Variants in GLRA2 observed in about 807,000 individuals in gnomAD.
GLRA2 encodes the protein glycine receptor alpha 2, also known as glycine receptor subunit alpha-2.
Under a neutral mutation model 31.6 loss-of-function variants are expected in GLRA2, and 11 were observed. The observed-to-expected ratio is 0.35, with a 90% CI of 0.22 to 0.58. The LOEUF is 0.58. Among genes scored for constraint, GLRA2 ranks in the 20% least tolerant of loss-of-function variants. GLRA2 has a pLI of 0.84. For missense variants in GLRA2, 212 were observed against 351.8 expected (o/e 0.60, Z 3.18); for synonymous variants, 132 against 134.0 (o/e 0.99, Z 0.10).
chrX:14,695,376 G>T (rs1041033150), intron 8 of GLRA2, among the ~76,000 whole-genome samples: 4 of 111,921 alleles, frequency 3.6e-5, no homozygotes, highest in Non-Finnish European at 7.5e-5. Flanking sequence ...GAATGCATTT[G>T]GCAAAGGAAA....
chrX:14,690,844 G>A lies in GLRA2; in HGVS notation c.1065G>A (p.Gln355=), dbSNP rs1235738175. Residue 355 remains glutamine (Q), a synonymous_variant, in exon 8 of 9, where the codon CAG becomes CAA. Coordinates refer to ENST00000218075, the MANE Select transcript of GLRA2 (RefSeq NM_002063.4). ...AGTTCCTGCGCCTCCGAAGAAGACA[G>A]AAGAGGCAGAATAAGGTATGATTGC... ...HKEFLRLRRR[Q]KRQNKEEDVT... 4 of 1,207,234 alleles carry A rather than the reference G, an allele frequency of 3.3e-6. No individual in the cohort carries two copies. Among genetic ancestry groups the A allele is most frequent in the Non-Finnish European group, 4.5e-6 (4 of 893,106 alleles).
intron 2 of GLRA2, among the ~76,000 whole-genome samples, chrX:14,568,993 G>T (rs1156518243): frequency 8.9e-6 from 1 of 112,176 alleles, no homozygotes; most frequent in African/African-American, 3.2e-5. Context: ...GGTGGCTCAT[G>T]CCTGTAATCC....
At chrX:14,676,271 G>C (rs2091145113) in intron 7 of GLRA2, among the ~76,000 whole-genome samples, 1 of 112,797 alleles carries the variant, frequency 8.9e-6, no homozygotes, top group Non-Finnish European at 1.9e-5. Context: ...TTGTTACATG[G>C]ATATATTGTG....
At chrX:14,551,582 C>T (rs770884338) in intron 2 of GLRA2, among the ~76,000 whole-genome samples, 114 of 111,482 alleles carry the variant, frequency 1.0e-3, no homozygotes, top group African/African-American at 3.6e-3. Context: ...CTCTGACTAA[C>T]GGCATTTTGT....
chrX:14,632,732 C>T (rs987558169), intron 7 of GLRA2, among the ~76,000 whole-genome samples: 1 of 111,396 alleles, frequency 9.0e-6, no homozygotes. Flanking sequence ...TACATGTCAA[C>T]GAACCATTTT....
the GLRA2 span, among the ~76,000 whole-genome samples, chrX:14,458,819 G>A: frequency 7.2e-5 from 8 of 111,658 alleles, no homozygotes; most frequent in Non-Finnish European, 1.1e-4. Context: ...CCATTCTGCA[G>A]GTTGCCTGTT....
chrX:14,469,378 A>G, the GLRA2 span, among the ~76,000 whole-genome samples: 2 of 110,737 alleles, frequency 1.8e-5, no homozygotes, highest in African/African-American at 6.6e-5. Flanking sequence ...CATGCTGCTA[A>G]TAAAGACACA....
At chrX:14,535,631 T>C (rs973577835) in intron 2 of GLRA2, among the ~76,000 whole-genome samples, 4 of 112,370 alleles carry the variant, frequency 3.6e-5, no homozygotes, top group African/African-American at 1.3e-4. Context: ...ATGAAAATCC[T>C]CAATTCAGAT....
chrX:14,689,113 C>T (rs1351646686), intron 7 of GLRA2, among the ~76,000 whole-genome samples: 1 of 111,584 alleles, frequency 9.0e-6, no homozygotes, highest in Non-Finnish European at 1.9e-5. Flanking sequence ...GCAGCATTTC[C>T]TAATTGGGGC....
At chrX:14,616,400 G>A (rs755503410) in intron 7 of GLRA2, among the ~76,000 whole-genome samples, 1 of 111,113 alleles carries the variant, frequency 9.0e-6, no homozygotes, top group South Asian at 3.8e-4. Context: ...ATTGTCTTTC[G>A]CCATTATTAA....
Position 14,609,005 on chromosome X carries a change from A to G in GLRA2, c.730A>G (p.Ile244Val). 9.0e-7 allele frequency: 1 copy of G among 1,109,973 alleles called. No homozygotes were observed. The highest frequency in any genetic ancestry group is 1.2e-6 in the Non-Finnish European group (1 of 804,650). The allele number at this position is 1,109,973 out of a possible 1,213,427, so 91.5% of individuals were successfully genotyped here. Residue 244 changes from isoleucine to valine, a missense_variant, in exon 7 of 9, where the codon ATT (isoleucine) becomes GTT (valine). Ile to Val is a conservative substitution (Grantham distance 29). Coordinates refer to ENST00000218075, the MANE Select transcript of GLRA2 (RefSeq NM_002063.4). Reference sequence around the variant, plus strand: ...CCTCCTTCTAGGAAAGTTTACCTGCATTGAGGTCAAGTTTCATCTGGAACG... The same window carrying G: ...CCTCCTTCTAGGAAAGTTTACCTGCGTTGAGGTCAAGTTTCATCTGGAACG... ...KHYNTGKFTC[I>V]EVKFHLERQM...
At chrX:14,629,390 T>G (rs1478939878) in intron 7 of GLRA2, among the ~76,000 whole-genome samples, 2 of 111,727 alleles carry the variant, frequency 1.8e-5, no homozygotes, top group African/African-American at 6.5e-5. Context: ...AGGGCTATTG[T>G]TGGAGCACAG....
chrX:14,697,827 C>T (rs183885042), intron 8 of GLRA2, among the ~76,000 whole-genome samples: 2 of 112,147 alleles, frequency 1.8e-5, no homozygotes, highest in East Asian at 5.6e-4. Flanking sequence ...TGTTGAGCAT[C>T]TGAATGCTCA....
chrX:14,517,723 C>T, the GLRA2 span, among the ~76,000 whole-genome samples: 2 of 111,306 alleles, frequency 1.8e-5, no homozygotes, highest in Admixed American at 1.9e-4. Context: ...AACACATCTT[C>T]ATAATCTCAG....
At chrX:14,565,624 T>A (rs1047304072) in intron 2 of GLRA2, among the ~76,000 whole-genome samples, 2 of 111,480 alleles carry the variant, frequency 1.8e-5, no homozygotes, top group Non-Finnish European at 3.8e-5. Context: ...CCTCAGTAAG[T>A]TTTAAAGTAT....
At chrX:14,476,942 C>A in the GLRA2 span, among the ~76,000 whole-genome samples, 2 of 111,554 alleles carry the variant, frequency 1.8e-5, no homozygotes, top group Non-Finnish European at 3.8e-5. Context: ...ATGTCTAGAC[C>A]TCCCTGAAAA....
chrX:14,502,495 C>T, the GLRA2 span, among the ~76,000 whole-genome samples: 1 of 111,494 alleles, frequency 9.0e-6, no homozygotes, highest in East Asian at 2.8e-4. Flanking sequence ...TTACTGTATA[C>T]AGTCAATTCT....
intron 8 of GLRA2, among the ~76,000 whole-genome samples, chrX:14,712,806 TC>T (rs1473470120): frequency 1.8e-5 from 2 of 111,011 alleles, no homozygotes; most frequent in Admixed American, 1.9e-4. Context: ...CAAAGTAAGA[TC>T]ATAAAGTGGG....
the GLRA2 span, among the ~76,000 whole-genome samples, chrX:14,485,168 G>C: frequency 1.5e-4 from 17 of 112,135 alleles, no homozygotes; most frequent in Admixed American, 1.6e-3. Flanking sequence ...CCACTTCATT[G>C]TCAGGCAAGC....
Sources: gnomAD v4.1 joint callset for allele counts (sites outside exome capture counted in the v4.1 genomes callset) on GRCh38, gnomAD v4.1.1 for gene constraint, MANE v1.5 for transcripts, NCBI Gene and HGNC (gene_info 2026-07-23, HGNC 2026-07-21) for gene names.